ANKRD30B: variants seen among roughly 807,000 people sequenced by gnomAD.
The protein encoded by ANKRD30B is ankyrin repeat domain-containing protein 30B.
Under a neutral mutation model 202.2 loss-of-function variants are expected in ANKRD30B, and 144 were observed. The observed-to-expected ratio is 0.71, with a 90% CI of 0.62 to 0.82. The LOEUF (loss-of-function observed/expected upper bound fraction) is 0.82. Ranked by LOEUF, ANKRD30B falls within the 40% of genes least tolerant of loss-of-function variation. The pLI is 0.00. For synonymous variants in ANKRD30B, 508 were observed against 561.3 expected (o/e 0.91, Z 1.34); for missense variants, 1,487 against 1,669.1 (o/e 0.89, Z 1.90).
chr18:14,840,513 C>T (rs117988044), intron 36 of ANKRD30B, 75 bp from the exon 37 acceptor site: 18,359 of 705,018 alleles, frequency 0.026, 291 homozygotes, highest in Non-Finnish European at 0.032. Flanking sequence ...GGCAACCCTG[C>T]GAGGCTTCAT....
At chr18:14,902,390 G>A in the ANKRD30B span, among the ~76,000 whole-genome samples, 1 of 152,172 alleles carries the variant, frequency 6.6e-6, no homozygotes, top group Non-Finnish European at 1.5e-5. Context: ...GGCAAAATCT[G>A]AGGGTGAATT....
chr18:14,821,104 A>C (rs139475238), intron 30 of ANKRD30B, among the ~76,000 whole-genome samples: 1 of 152,162 alleles, frequency 6.6e-6, no homozygotes, highest in African/African-American at 2.4e-5. Flanking sequence ...GAGTGTGTGT[A>C]TCGAGGAATT....
chr18:14,882,321 G>A, the ANKRD30B span, among the ~76,000 whole-genome samples: 1 of 152,048 alleles, frequency 6.6e-6, no homozygotes, highest in Non-Finnish European at 1.5e-5. Context: ...CATCCAGTTC[G>A]AAGAAATTTT....
At chr18:14,799,428 A>T in intron 22 of ANKRD30B, 133 bp downstream of exon 22, 1 of 947,874 alleles carries the variant, frequency 1.1e-6, no homozygotes, top group East Asian at 2.7e-5. Flanking sequence ...TAATGGCAAC[A>T]TTAGTATTCA....
chr18:14,938,883 G>A, the ANKRD30B span, among the ~76,000 whole-genome samples: 1 of 152,164 alleles, frequency 6.6e-6, no homozygotes, highest in Non-Finnish European at 1.5e-5. Context: ...GCAGATTTAG[G>A]TTCTGCAGGG....
the ANKRD30B span, among the ~76,000 whole-genome samples, chr18:14,896,978 A>T: frequency 1.3e-5 from 2 of 151,786 alleles, no homozygotes; most frequent in Non-Finnish European, 2.9e-5. Flanking sequence ...AAAAAAAAAA[A>T]AAACAGGAAA....
At chr18:14,844,597 C>A (rs1360818906) in intron 39 of ANKRD30B, among the ~76,000 whole-genome samples, 2 of 152,128 alleles carry the variant, frequency 1.3e-5, no homozygotes, top group Non-Finnish European at 2.9e-5. Context: ...GGGTATATAT[C>A]CAGTAATGGG....
chr18:14,789,722 A>AGGGC (rs1297187042), intron 15 of ANKRD30B, among the ~76,000 whole-genome samples: 1 of 152,062 alleles, frequency 6.6e-6, no homozygotes, highest in African/African-American at 2.4e-5. Flanking sequence ...ATTATTTCTG[A>AGGGC]GGGCTGTGTT....
chr18:14,795,951 T>C (rs1189717118), intron 16 of ANKRD30B, among the ~76,000 whole-genome samples: 1 of 152,176 alleles, frequency 6.6e-6, no homozygotes, highest in African/African-American at 2.4e-5. Flanking sequence ...ATTAGGATTT[T>C]TCTAATTTAG....
At chr18:14,885,256 T>C in the ANKRD30B span, among the ~76,000 whole-genome samples, 1 of 152,014 alleles carries the variant, frequency 6.6e-6, no homozygotes, top group African/African-American at 2.4e-5. Context: ...ATGTGTAAAG[T>C]TGGATTATGG....
chr18:14,791,615 G>A (rs1968515295), intron 16 of ANKRD30B, 124 bp downstream of exon 16: 5 of 716,846 alleles, frequency 7.0e-6, no homozygotes, highest in Non-Finnish European at 1.1e-5. Flanking sequence ...AAAAAGAGAA[G>A]TGAAACGGTG....
intron 32 of ANKRD30B, among the ~76,000 whole-genome samples, chr18:14,824,934 T>C (rs1357542425): frequency 1.3e-5 from 2 of 152,206 alleles, no homozygotes; most frequent in Admixed American, 1.3e-4. Context: ...TAAGCTGAAT[T>C]TGGAATTCCA....
intron 36 of ANKRD30B, among the ~76,000 whole-genome samples, chr18:14,839,114 C>T (rs1647745060): frequency 6.6e-6 from 1 of 152,172 alleles, no homozygotes; most frequent in Admixed American, 6.5e-5. Context: ...TGAGTACCAA[C>T]TGTGTGCTAG....
chr18:14,772,512 A>G (rs9709455), intron 9 of ANKRD30B, among the ~76,000 whole-genome samples: 1 of 152,118 alleles, frequency 6.6e-6, no homozygotes, highest in Non-Finnish European at 1.5e-5. Flanking sequence ...AAACTTTTCC[A>G]CAATAGAGAA....
chr18:14,783,505 T>C (rs1017286857), intron 12 of ANKRD30B, among the ~76,000 whole-genome samples: 1 of 152,034 alleles, frequency 6.6e-6, no homozygotes. Context: ...TTTGGTAAAA[T>C]TGCCATTCCA....
At chr18:14,764,954 A>G (rs1039840969) in intron 7 of ANKRD30B, among the ~76,000 whole-genome samples, 7 of 152,188 alleles carry the variant, frequency 4.6e-5, no homozygotes, top group Admixed American at 6.6e-5. Flanking sequence ...GAATGGGGGT[A>G]ATGGAATAAT....
At chr18:14,771,214 T>C (rs1237758443) in intron 8 of ANKRD30B, among the ~76,000 whole-genome samples, 6 of 152,180 alleles carry the variant, frequency 3.9e-5, no homozygotes, top group Admixed American at 3.3e-4. Context: ...TTTGATGAGC[T>C]GAATATTTAA....
In ANKRD30B at chr18:14,799,244, T is replaced by A. The variant is rs1185569114; in HGVS notation, c.2080T>A (p.Ser694Thr). The change falls in exon 22 of 44, where the codon TCT becomes ACT. Residue 694 changes from serine (S) to threonine (T), a missense_variant. Transcript: ENST00000690538. Reference sequence around the variant, plus strand: ...TTAGCCTACCTGTGGAAGGAAAGTTTCTCTTCCAAATAAAGCTTTAGAATT... The same window carrying A: ...TTAGCCTACCTGTGGAAGGAAAGTTACTCTTCCAAATAAAGCTTTAGAATT... The part of the protein sequence containing the change: ...LLKPTCGRKV[S>T]LPNKALELKD... The A allele has an allele frequency of 6.4e-7, 1 of 1,562,192 alleles. No homozygotes were observed. Among genetic ancestry groups the A allele is most frequent in the Admixed American group, 1.9e-5 (1 of 52,768 alleles).
chr18:14,854,658 T>A lies in ANKRD30B; in HGVS notation c.*500T>A, dbSNP rs568744490. Among the ~76,000 whole-genome samples, 2 of 152,304 alleles carry A rather than the reference T, an allele frequency of 1.3e-5. No individual in the cohort carries two copies. Among genetic ancestry groups the A allele is most frequent in the Admixed American group, 1.3e-4 (2 of 15,298 alleles). On this transcript the variant is annotated 3_prime_UTR_variant, in exon 44 of 44. Coordinates refer to ENST00000690538, the MANE Select transcript of ANKRD30B (RefSeq NM_001367607.2). ...ACAGACAGGAACACTTTTTTATAAT[T>A]ATAAAAACACAAATTTCCTTGTTTT... is the stretch of plus-strand genomic sequence containing the variant.
Sources: gnomAD v4.1 joint callset for allele counts (sites outside exome capture counted in the v4.1 genomes callset) on GRCh38, gnomAD v4.1.1 for gene constraint, MANE v1.5 for transcripts, NCBI Gene and HGNC (gene_info 2026-07-23, HGNC 2026-07-21) for gene names.